Variants in TBC1D32 observed in about 807,000 individuals in gnomAD.
TBC1D32 encodes TBC1 domain family member 32, also known as protein broad-minded.
A neutral mutation model predicts 170.3 loss-of-function variants in TBC1D32; 151 were observed. That is an observed-to-expected ratio of 0.89 (90% CI 0.78 to 1.01). TBC1D32 has a LOEUF of 1.01. Among genes scored for constraint, TBC1D32 ranks in the 50% least tolerant of loss-of-function variants. The probability of loss-of-function intolerance (pLI) is 0.00; values close to 1 mark genes in which losing one functional copy is unlikely to be tolerated. For missense variants in TBC1D32, 1,464 were observed against 1,457.1 expected, an observed-to-expected ratio of 1.00 and a Z score of -0.08; for synonymous variants, 498 against 488.0, an observed-to-expected ratio of 1.02 and a Z score of -0.27.
chr6:121,200,257 T>C (rs1791365596), intron 22 of TBC1D32, among the ~76,000 whole-genome samples: 1 of 151,334 alleles, frequency 6.6e-6, no homozygotes, highest in Non-Finnish European at 1.5e-5. Flanking sequence ...TTTAAATTGT[T>C]AAAACTAAGT....
chr6:121,080,821 G>A lies in TBC1D32; in HGVS notation c.3724C>T (p.Arg1242Ter), dbSNP rs748798523. The A allele has an allele frequency of 9.9e-6, 16 of 1,613,622 alleles. No individual in the cohort carries two copies. The highest frequency in any genetic ancestry group is 2.2e-5 in the East Asian group (1 of 44,850). Reference sequence around the variant, plus strand: ...CGCATGTCTCTCAGCAGCACTGTTCGGTAGTTTTGTTCCAAAATTTCCATG... The same window carrying A: ...CGCATGTCTCTCAGCAGCACTGTTCAGTAGTTTTGTTCCAAAATTTCCATG... Reference protein sequence around the residue: ...EYMEILEQNYRTVLLRDMRNI... With the variant: ...EYMEILEQNY Residue 1242 changes from arginine to a stop codon, truncating the protein, a stop_gained, in exon 32 of 32, where the codon CGA becomes TGA. Transcript: ENST00000398212. LOFTEE classifies it high-confidence loss of function.
intron 15 of TBC1D32, among the ~76,000 whole-genome samples, chr6:121,271,755 T>C (rs908056069): frequency 4.6e-5 from 7 of 152,096 alleles, no homozygotes; most frequent in Non-Finnish European, 1.0e-4. Context: ...CAGAATTGGA[T>C]AAAACTACTT....
chr6:121,304,619 T>C lies in TBC1D32; in HGVS notation c.776A>G (p.Tyr259Cys), dbSNP rs1324379304. ...TKEIYTSLAK[Y>C]LESYFLSREN... is the part of the protein sequence containing the mutation. Reference sequence around the variant, plus strand: ...CCTAGAAAGAAAGTATGACTCCAAATACTTAGCTGAAAAAAAAGGGAAAAC... The same window carrying C: ...CCTAGAAAGAAAGTATGACTCCAAACACTTAGCTGAAAAAAAAGGGAAAAC... The change falls in exon 7 of 32, where the codon TAT becomes TGT. Residue 259 changes from tyrosine (Y) to cysteine (C), a missense_variant. Around this residue, in one of 3 missense-constraint regions of TBC1D32, gnomAD observed 1,363 missense variants for 1,338.1 expected, o/e 1.02. Coordinates refer to ENST00000398212, the MANE Select transcript of TBC1D32 (RefSeq NM_152730.6). 2.5e-6 allele frequency: 4 copies of C among 1,596,842 alleles called. No individual in the cohort carries two copies. The East Asian group carries it at 9.0e-5, about 36-fold the overall frequency.
At chr6:121,222,489 A>G (rs1794636358) in intron 21 of TBC1D32, among the ~76,000 whole-genome samples, 1 of 151,322 alleles carries the variant, frequency 6.6e-6, no homozygotes, top group Non-Finnish European at 1.5e-5. Context: ...AAGCTATTAA[A>G]AGTTTCCCAA....
intron 29 of TBC1D32, among the ~76,000 whole-genome samples, chr6:121,109,245 G>C (rs190481828): frequency 2.6e-5 from 4 of 152,194 alleles, no homozygotes; most frequent in African/African-American, 9.6e-5. Flanking sequence ...TTCTGAACTA[G>C]GTAATTGTTA....
At chr6:121,152,784 G>C (rs564585177) in intron 24 of TBC1D32, among the ~76,000 whole-genome samples, 6 of 152,090 alleles carry the variant, frequency 3.9e-5, no homozygotes, top group African/African-American at 1.4e-4. Flanking sequence ...TCTTCCGCTT[G>C]ATTGATTTGG....
chr6:121,176,848 G>A (rs1048866980), intron 22 of TBC1D32, among the ~76,000 whole-genome samples: 4 of 152,028 alleles, frequency 2.6e-5, no homozygotes, highest in African/African-American at 7.2e-5. Flanking sequence ...CTGCCCACCC[G>A]CCTCAGCCTC....
At chr6:121,114,170 TCA>T (rs749418832) in intron 27 of TBC1D32, among the ~76,000 whole-genome samples, 32 of 151,456 alleles carry the variant, frequency 2.1e-4, no homozygotes, top group Non-Finnish European at 4.0e-4. Flanking sequence ...CGAGATTCCA[TCA>T]CACACACACA....
chr6:121,212,446 ATC>A (rs199708938), intron 21 of TBC1D32, among the ~76,000 whole-genome samples: 2 of 134,976 alleles, frequency 1.5e-5, no homozygotes, highest in Admixed American at 1.7e-4. Context: ...TCAGGTCAAT[ATC>A]TCTTTTTTTT....
chr6:121,139,487 TA>T (rs1782531196), intron 24 of TBC1D32, among the ~76,000 whole-genome samples: 1 of 152,194 alleles, frequency 6.6e-6, no homozygotes, highest in South Asian at 2.1e-4. Context: ...AACGGAGACT[TA>T]ATTTCTGAAA....
intron 17 of TBC1D32, 91 bp downstream of exon 17, chr6:121,255,237 A>AT: frequency 1.4e-6 from 1 of 726,604 alleles, no homozygotes; most frequent in Non-Finnish European, 2.1e-6. Flanking sequence ...CCTGTAAAAC[A>AT]TTTTTGCCAT....
intron 22 of TBC1D32, among the ~76,000 whole-genome samples, chr6:121,183,904 T>C (rs1009021395): frequency 3.3e-5 from 5 of 151,968 alleles, no homozygotes; most frequent in Non-Finnish European, 5.9e-5. Flanking sequence ...ACACAGACAA[T>C]ACACACTATG....
chr6:121,138,507 T>C lies in TBC1D32; in HGVS notation c.2774-6755A>G, dbSNP rs186968663. On this transcript the variant is annotated intron_variant, in intron 24 of 31. Coordinates refer to ENST00000398212, the MANE Select transcript of TBC1D32 (RefSeq NM_152730.6). The stretch of plus-strand genomic sequence containing the variant: ...TATTCTGATTTTCTAGTCATCTCAA[T>C]AGCTGCAGCTCAAGATTTACTACAG... 5.9e-5 allele frequency among the ~76,000 whole-genome samples: 9 copies of C among 152,306 alleles called. No individual in the cohort carries two copies. The East Asian group carries it at 1.4e-3, about 23-fold the overall frequency.
intron 21 of TBC1D32, among the ~76,000 whole-genome samples, chr6:121,206,890 G>A (rs1792346612): frequency 6.6e-6 from 1 of 152,070 alleles, no homozygotes; most frequent in South Asian, 2.1e-4. Context: ...CTCATTAATT[G>A]CATCACAACT....
intron 24 of TBC1D32, among the ~76,000 whole-genome samples, chr6:121,150,177 G>C (rs1051749335): frequency 6.6e-6 from 1 of 152,186 alleles, no homozygotes; most frequent in Admixed American, 6.5e-5. Context: ...ATTATTTTGA[G>C]ATACGTTCCA....
In TBC1D32 at chr6:121,290,482, T is replaced by C. The variant is rs576025870; in HGVS notation, c.1372+1571A>G. On this transcript the variant is annotated intron_variant, in intron 12 of 31. Transcript: ENST00000398212. ...CTCACACCAGTTAGAATGGCGATCA[T>C]TAAAAAGTCAGGAAACAACAGGTGC... Among the ~76,000 whole-genome samples the C allele has an allele frequency of 8.8e-3, 1,334 of 151,850 alleles. 24 individuals carry two copies. Among genetic ancestry groups the C allele is most frequent in the African/African-American group, 0.03 (1,260 of 41,390 alleles).
chr6:121,213,519 TAAAATAAATAAAATA>T (rs1793401336), intron 21 of TBC1D32, among the ~76,000 whole-genome samples: 2 of 4,852 alleles, frequency 4.1e-4, no homozygotes, highest in Non-Finnish European at 8.4e-4. Context: ...TAAAATAAAA[TAAAATAAATAAAATA>T]AAATAAAATA....
chr6:121,312,289 A>G (rs1808324858), intron 3 of TBC1D32, among the ~76,000 whole-genome samples: 1 of 152,222 alleles, frequency 6.6e-6, no homozygotes, highest in African/African-American at 2.4e-5. Context: ...ACAACAAATC[A>G]CAATGGCACA....
chr6:121,195,319 A>G (rs2128292399), intron 22 of TBC1D32, among the ~76,000 whole-genome samples: 1 of 152,318 alleles, frequency 6.6e-6, no homozygotes, highest in South Asian at 2.1e-4. Flanking sequence ...GCTGGCCCCC[A>G]TAAGTGAATC....
Sources: gnomAD v4.1 joint callset for allele counts (sites outside exome capture counted in the v4.1 genomes callset) on GRCh38, gnomAD v4.1.1 for gene constraint, gnomAD v4.1.1 regional missense constraint, MANE v1.5 for transcripts, NCBI Gene and HGNC (gene_info 2026-07-23, HGNC 2026-07-21) for gene names.